TRMT1L: variants seen among roughly 807,000 people sequenced by gnomAD.
The protein encoded by TRMT1L is tRNA methyltransferase 1L.
Under a neutral mutation model 81.6 loss-of-function variants are expected in TRMT1L, and 28 were observed. That is an observed-to-expected ratio of 0.34 (90% CI 0.25 to 0.47). TRMT1L has a LOEUF of 0.47. TRMT1L is among the 20% of genes least tolerant of loss of function. TRMT1L has a pLI of 1.00. For missense variants in TRMT1L, 739 were observed against 877.1 expected (o/e 0.84, Z 1.99); for synonymous variants, 301 against 303.2 (o/e 0.99, Z 0.07).
Position 185,123,844 on chromosome 1 carries a change from T to C in TRMT1L, c.1822+13A>G, listed in dbSNP as rs377146122. ...TGATATGTACATATGTACACACATA[T>C]ATGCATACATACCTTGTGCAATGTA... On this transcript the variant is annotated intron_variant, in intron 13 of 14. Coordinates refer to ENST00000367506, the MANE Select transcript of TRMT1L (RefSeq NM_030934.5). 1.5e-5 allele frequency: 22 copies of C among 1,479,440 alleles called. No individual in the cohort carries two copies. Among genetic ancestry groups the C allele is most frequent in the Non-Finnish European group, 1.8e-5 (20 of 1,104,038 alleles). The allele number at this position is 1,479,440 out of a possible 1,614,324, so 91.6% of individuals were successfully genotyped here. A position where few individuals can be genotyped will look rare whatever the true frequency, so the allele number is the denominator to read the frequency against.
rs1185817805 is a variant in TRMT1L, at chr1:185,156,788, T to G, written c.-76A>C. 6.3e-7 allele frequency: 1 copy of G among 1,586,404 alleles called. No homozygotes were observed. The highest frequency in any genetic ancestry group is 1.3e-5 in the African/African-American group (1 of 74,178). On this transcript the variant is annotated 5_prime_UTR_variant, in exon 1 of 15. Coordinates refer to ENST00000367506, the MANE Select transcript of TRMT1L (RefSeq NM_030934.5). ...GGCGGGGTCAGAGAACTGACGTGAA[T>G]GCCCACAGGGCTGGATCCAAGGAGT...
At chr1:185,132,545 T>A (rs1652798856) in intron 10 of TRMT1L, among the ~76,000 whole-genome samples, 1 of 150,540 alleles carries the variant, frequency 6.6e-6, no homozygotes. Flanking sequence ...AAAATAAAAA[T>A]AAAAATAAAT....
At chr1:185,149,817 C>T (rs368028089) in intron 3 of TRMT1L, among the ~76,000 whole-genome samples, 95 of 152,128 alleles carry the variant, frequency 6.2e-4, no homozygotes, top group African/African-American at 2.2e-3. Flanking sequence ...CATGATGAGT[C>T]CTCTTGTTGA....
At chr1:185,145,330 T>C (rs1653159578) in intron 5 of TRMT1L, 109 bp downstream of exon 5, 3 of 1,229,644 alleles carry the variant, frequency 2.4e-6, no homozygotes, top group Admixed American at 2.2e-5. Context: ...GTGAACTAAA[T>C]CATTTGGTTA....
intron 10 of TRMT1L, among the ~76,000 whole-genome samples, chr1:185,134,924 GGC>G (rs1652858673): frequency 6.6e-6 from 1 of 152,102 alleles, no homozygotes; most frequent in African/African-American, 2.4e-5. Context: ...AGATTAATCT[GGC>G]AAAACAGAAT....
intron 13 of TRMT1L, among the ~76,000 whole-genome samples, chr1:185,123,040 G>C (rs560087527): frequency 6.6e-6 from 1 of 152,260 alleles, no homozygotes; most frequent in Admixed American, 6.5e-5. Flanking sequence ...CTCCAACAGA[G>C]AAATTAGGTA....
chr1:185,122,538 G>A (rs1021926057), intron 13 of TRMT1L, among the ~76,000 whole-genome samples: 5 of 151,980 alleles, frequency 3.3e-5, no homozygotes, highest in African/African-American at 1.2e-4. Flanking sequence ...GTGTGCTACT[G>A]TGCTCTTGGC....
At chr1:185,136,181 G>A (rs544735232) in intron 10 of TRMT1L, among the ~76,000 whole-genome samples, 26 of 152,236 alleles carry the variant, frequency 1.7e-4, no homozygotes, top group African/African-American at 5.3e-4. Flanking sequence ...AGGATGCGGC[G>A]GGCAGATTAC....
rs960349706 is a variant in TRMT1L at position 185,150,324 on chromosome 1, T to C, written c.460+55A>G. 5 of 1,267,706 alleles carry C rather than the reference T, an allele frequency of 3.9e-6. No homozygotes were observed. In the East Asian group the frequency reaches 1.2e-4, roughly 31 times the overall value. The allele number at this position is 1,267,706 out of a possible 1,614,324, so 78.5% of individuals were successfully genotyped here. ...CTCATGATAAAAATGCCAAAACTGG[T>C]AATAAATGTTGAATTTCATATATAT... On this transcript the variant is annotated intron_variant, in intron 3 of 14. Coordinates refer to ENST00000367506, the MANE Select transcript of TRMT1L (RefSeq NM_030934.5).
chr1:185,146,960 T>A (rs1343341389), intron 4 of TRMT1L, among the ~76,000 whole-genome samples: 1 of 152,074 alleles, frequency 6.6e-6, no homozygotes, highest in East Asian at 1.9e-4. Context: ...GAGCAATTTA[T>A]CTGACTTAAA....
At position 185,120,005 on chromosome 1, in the gene TRMT1L, A is replaced by G. The variant is rs1344169890; in HGVS notation, c.*14T>C. ...CATCTATACAGACACCTGAGAACCA[A>G]TTCTTCTCTACGTTTACCATCTTCT... is the stretch of plus-strand genomic sequence containing the variant. On this transcript the variant is annotated 3_prime_UTR_variant, in exon 15 of 15. Coordinates refer to ENST00000367506, the MANE Select transcript of TRMT1L (RefSeq NM_030934.5). The G allele has an allele frequency of 1.9e-6, 3 of 1,612,236 alleles. No homozygotes were observed. Among genetic ancestry groups the G allele is most frequent in the South Asian group, 1.1e-5 (1 of 90,976 alleles).
In TRMT1L at chr1:185,153,782, A is replaced by G. The variant is rs538124670; in HGVS notation, c.236-1847T>C. On this transcript the variant is annotated intron_variant, in intron 1 of 14. Coordinates refer to ENST00000367506, the MANE Select transcript of TRMT1L (RefSeq NM_030934.5). The stretch of plus-strand genomic sequence containing the variant: ...GAGAAACTGATATGTAAAGAGCCCA[A>G]GGAGACAGGAGATGGTGGGATAAAC... 1.1e-4 allele frequency among the ~76,000 whole-genome samples: 16 copies of G among 152,326 alleles called. No homozygotes were observed. In the South Asian group the frequency reaches 3.3e-3, roughly 32 times the overall value.
At chr1:185,139,757 G>A (rs1652988469) in intron 8 of TRMT1L, among the ~76,000 whole-genome samples, 178 bp from the exon 9 acceptor site, 1 of 152,236 alleles carries the variant, frequency 6.6e-6, no homozygotes, top group African/African-American at 2.4e-5. Flanking sequence ...TATCAGACAT[G>A]TAAAAATAAA....
At position 185,151,814 on chromosome 1, in the gene TRMT1L, C is replaced by G. The variant is rs770727369; in HGVS notation, c.346+11G>C. ...AACTAAGAAAAAAAAAAAACCCAAA[C>G]ATGGAAATACCTGCATCAAGATTAT... On this transcript the variant is annotated intron_variant, in intron 2 of 14. Coordinates refer to ENST00000367506, the MANE Select transcript of TRMT1L (RefSeq NM_030934.5). 1 of 1,463,472 alleles carries G rather than the reference C, an allele frequency of 6.8e-7. No homozygotes were observed. Among genetic ancestry groups the G allele is most frequent in the Non-Finnish European group, 9.1e-7 (1 of 1,094,902 alleles). The allele number at this position is 1,463,472 out of a possible 1,614,324, so 90.7% of individuals were successfully genotyped here.
In TRMT1L at chr1:185,118,127, G is replaced by A. The variant is rs1231668189; in HGVS notation, c.*1892C>T. ...TTTGTTTATCAAGTTTTAATGAAAG[G>A]ATACAACTGATGCTACTTTACAACA... On this transcript the variant is annotated 3_prime_UTR_variant, in exon 15 of 15. Coordinates refer to ENST00000367506, the MANE Select transcript of TRMT1L (RefSeq NM_030934.5). The A allele has an allele frequency of 6.6e-6, 1 of 152,104 alleles. No homozygotes were observed. The highest frequency in any genetic ancestry group is 1.5e-5 in the Non-Finnish European group (1 of 67,994). The allele number at this position is 152,104 out of a possible 1,614,324, so 9.4% of individuals were successfully genotyped here.
At chr1:185,152,931 T>C (rs1291346413) in intron 1 of TRMT1L, among the ~76,000 whole-genome samples, 1 of 152,000 alleles carries the variant, frequency 6.6e-6, no homozygotes, top group Non-Finnish European at 1.5e-5. Context: ...TCAGGAGGGA[T>C]TCTAGAGATA....
At chr1:185,142,119 C>T (rs528631298) in intron 7 of TRMT1L, among the ~76,000 whole-genome samples, 3 of 152,188 alleles carry the variant, frequency 2.0e-5, no homozygotes, top group Admixed American at 6.5e-5. Context: ...CAAATCCAAG[C>T]GACTTGGGAA....
chr1:185,123,736 CAT>C (rs1652552777), intron 13 of TRMT1L, 119 bp downstream of exon 13: 1 of 625,774 alleles, frequency 1.6e-6, no homozygotes, highest in Non-Finnish European at 2.7e-6. Flanking sequence ...GTTTTGTTGT[CAT>C]ATAATATGAA....
intron 1 of TRMT1L, among the ~76,000 whole-genome samples, chr1:185,155,410 T>C (rs1653482405): frequency 6.6e-6 from 1 of 152,222 alleles, no homozygotes; most frequent in South Asian, 2.1e-4. Flanking sequence ...TCTGATCTTA[T>C]ATAATGAGAA....
Sources: gnomAD v4.1 joint callset for allele counts (sites outside exome capture counted in the v4.1 genomes callset) on GRCh38, gnomAD v4.1.1 for gene constraint, MANE v1.5 for transcripts, NCBI Gene and HGNC (gene_info 2026-07-23, HGNC 2026-07-21) for gene names.